MAN2A1: variants seen among roughly 807,000 people sequenced by gnomAD.
MAN2A1 encodes the protein alpha-mannosidase 2.
A neutral mutation model predicts 142.6 loss-of-function variants in MAN2A1; 76 were observed. The ratio of observed to expected loss-of-function variants is 0.53; its 90% CI spans 0.44 to 0.65. The LOEUF is 0.65. Among genes scored for constraint, MAN2A1 ranks in the 30% least tolerant of loss-of-function variants. The pLI is 0.00. For synonymous variants in MAN2A1, 559 were observed against 473.2 expected, an observed-to-expected ratio of 1.18 and a Z score of -2.35; for missense variants, 1,311 against 1,365.1, an observed-to-expected ratio of 0.96 and a Z score of 0.62.
chr5:109,820,000 C>T lies in MAN2A1; in HGVS notation c.2328+113C>T, dbSNP rs1754580956. ...GTCTTAAGTAGAGCTGTATCAAATA[C>T]TCTTGAGTAAAAGGAAGCATGAGCT... is the stretch of plus-strand genomic sequence containing the variant. On this transcript the variant is annotated intron_variant, in intron 14 of 21. Coordinates refer to ENST00000261483, the MANE Select transcript of MAN2A1 (RefSeq NM_002372.4). 6 of 860,144 alleles carry T rather than the reference C, an allele frequency of 7.0e-6. No homozygotes were observed. The Admixed American group carries it at 1.5e-4, about 21-fold the overall frequency. The allele number at this position is 860,144 out of a possible 1,614,324, so 53.3% of individuals were successfully genotyped here. A position where few individuals can be genotyped will look rare whatever the true frequency, so the allele number is the denominator to read the frequency against.
chr5:109,813,165 T>G (rs1490563128), intron 12 of MAN2A1, among the ~76,000 whole-genome samples: 2 of 152,196 alleles, frequency 1.3e-5, no homozygotes, highest in Non-Finnish European at 2.9e-5. Flanking sequence ...TTCCAGTATA[T>G]AAATTTTCTT....
intron 16 of MAN2A1, among the ~76,000 whole-genome samples, chr5:109,833,800 G>A (rs1019644011): frequency 3.3e-5 from 5 of 152,252 alleles, no homozygotes; most frequent in East Asian, 1.9e-4. Flanking sequence ...CTGATCTATC[G>A]TCAAACATTA....
At position 109,732,235 on chromosome 5, in the gene MAN2A1, T is replaced by G. The variant is rs562120318; in HGVS notation, c.707+2722T>G. Among the ~76,000 whole-genome samples, 261 of 151,004 alleles carry G rather than the reference T, an allele frequency of 1.7e-3. 2 individuals are homozygous for G. The highest frequency in any genetic ancestry group is 5.4e-3 in the African/African-American group (222 of 41,122). ...TTTGTTTTTTTCTTGTAAATTTGTT[T>G]GAGTTCATTGTAGATTCTGGATATT... is the stretch of plus-strand genomic sequence containing the variant. On this transcript the variant is annotated intron_variant, in intron 4 of 21. Transcript: ENST00000261483.
At chr5:109,744,551 T>G (rs776098489) in intron 4 of MAN2A1, among the ~76,000 whole-genome samples, 16 of 151,992 alleles carry the variant, frequency 1.1e-4, no homozygotes, top group Non-Finnish European at 1.8e-4. Context: ...GAGATACATA[T>G]CAAAACTTCT....
intron 7 of MAN2A1, 80 bp from the exon 8 acceptor site, chr5:109,774,708 C>A: frequency 2.9e-6 from 3 of 1,039,754 alleles, no homozygotes; most frequent in Non-Finnish European, 2.8e-6. Flanking sequence ...TTGGTTATTT[C>A]CTTTTTAATC....
chr5:109,736,123 C>A lies in MAN2A1; in HGVS notation c.707+6610C>A, dbSNP rs563541870. Among the ~76,000 whole-genome samples the A allele has an allele frequency of 6.6e-5, 10 of 152,074 alleles. 1 individual carries two copies. Among genetic ancestry groups the A allele is most frequent in the Admixed American group, 5.2e-4 (8 of 15,264 alleles). On this transcript the variant is annotated intron_variant, in intron 4 of 21. Coordinates refer to ENST00000261483, the MANE Select transcript of MAN2A1 (RefSeq NM_002372.4). ...ACGTAAAATACCTAGAGTTTTTACACTGAAATGTTAGCTATTAATTTAGAT... is the reference window on the plus strand; with the variant it reads ...ACGTAAAATACCTAGAGTTTTTACAATGAAATGTTAGCTATTAATTTAGAT...
intron 1 of MAN2A1, chr5:109,699,678 G>A (rs1054290065): frequency 6.5e-6 from 1 of 154,680 alleles, no homozygotes; most frequent in Admixed American, 6.5e-5. Flanking sequence ...CTCCATCAGG[G>A]ATGGTCATCC....
chr5:109,808,557 G>A (rs1754233664), intron 12 of MAN2A1, among the ~76,000 whole-genome samples: 1 of 151,710 alleles, frequency 6.6e-6, no homozygotes, highest in African/African-American at 2.4e-5. Flanking sequence ...ACTTTTAATT[G>A]TTAATGTGTT....
intron 4 of MAN2A1, among the ~76,000 whole-genome samples, chr5:109,743,287 A>G (rs1752318895): frequency 6.6e-6 from 1 of 152,064 alleles, no homozygotes; most frequent in South Asian, 2.1e-4. Flanking sequence ...CTGTTGTTTT[A>G]ATTACCAGGC....
intron 3 of MAN2A1, among the ~76,000 whole-genome samples, chr5:109,728,870 G>T (rs1214009290): frequency 6.6e-6 from 1 of 152,054 alleles, no homozygotes; most frequent in African/African-American, 2.4e-5. Context: ...GTTTATACTT[G>T]CAATCTCTTT....
At chr5:109,814,351 T>C (rs1178461975) in intron 12 of MAN2A1, among the ~76,000 whole-genome samples, 1 of 152,204 alleles carries the variant, frequency 6.6e-6, no homozygotes, top group South Asian at 2.1e-4. Context: ...AATGTTTGAC[T>C]ACCAAATGTG....
chr5:109,698,132 A>G (rs1217869772), intron 1 of MAN2A1, among the ~76,000 whole-genome samples: 2 of 152,206 alleles, frequency 1.3e-5, no homozygotes, highest in East Asian at 3.9e-4. Flanking sequence ...GATGGGCTTA[A>G]TTCTGAGCCC....
chr5:109,734,148 G>A (rs145711209), intron 4 of MAN2A1, among the ~76,000 whole-genome samples: 50,965 of 150,792 alleles, frequency 0.34, 9,547 homozygotes, highest in African/African-American at 0.52. Context: ...GTTTATTTGC[G>A]TAGAGGTGTT....
chr5:109,736,233 C>T (rs1021071255), intron 4 of MAN2A1, among the ~76,000 whole-genome samples: 8 of 152,142 alleles, frequency 5.3e-5, no homozygotes, highest in Non-Finnish European at 1.0e-4. Context: ...CTAAACAGAT[C>T]ACATCAGCAT....
At chr5:109,848,913 T>G (rs1755408189) in intron 19 of MAN2A1, among the ~76,000 whole-genome samples, 1 of 152,322 alleles carries the variant, frequency 6.6e-6, no homozygotes, top group South Asian at 2.1e-4. Context: ...CTTCTCACAA[T>G]CCATTTGTTT....
chr5:109,777,476 T>A (rs1255966591), intron 8 of MAN2A1, among the ~76,000 whole-genome samples: 2 of 152,100 alleles, frequency 1.3e-5, no homozygotes, highest in Non-Finnish European at 2.9e-5. Context: ...TCTTTTTTCA[T>A]ATAAAAGTTA....
In MAN2A1 at chr5:109,817,207, T is replaced by C; in HGVS notation, c.1944-66T>C. 2.2e-6 allele frequency: 3 copies of C among 1,358,338 alleles called. No homozygotes were observed. In the South Asian group the frequency reaches 3.7e-5, roughly 17 times the overall value. The allele number at this position is 1,358,338 out of a possible 1,614,324, so 84.1% of individuals were successfully genotyped here. On this transcript the variant is annotated intron_variant, in intron 12 of 21. Coordinates refer to ENST00000261483, the MANE Select transcript of MAN2A1 (RefSeq NM_002372.4). ...ATGTATATGTATATGTATATCTACA[T>C]GTATATGTATATGTAAGAAGTAAAA...
At chr5:109,800,617 G>A (rs1185506874) in intron 12 of MAN2A1, among the ~76,000 whole-genome samples, 1 of 152,212 alleles carries the variant, frequency 6.6e-6, no homozygotes, top group Non-Finnish European at 1.5e-5. Flanking sequence ...ACATGTGTAA[G>A]TTATATAGAA....
rs572902376 is a variant in MAN2A1, at chr5:109,830,811, A to T, written c.2566+6974A>T. On this transcript the variant is annotated intron_variant, in intron 16 of 21. Transcript: ENST00000261483. ...AAAAATTGAAATAAGTAGCTATGTG[A>T]CGAATCTGATCATTCCCTACAGGCA... Among the ~76,000 whole-genome samples the T allele has an allele frequency of 9.5e-4, 144 of 152,324 alleles. 1 individual carries two copies. Among genetic ancestry groups the T allele is most frequent in the African/African-American group, 3.4e-3 (142 of 41,564 alleles).
Sources: allele counts gnomAD v4.1 joint callset (sites outside exome capture counted in the v4.1 genomes callset), GRCh38; gene constraint gnomAD v4.1.1; transcripts MANE v1.5; gene names NCBI Gene and HGNC (gene_info 2026-07-23, HGNC 2026-07-21).